HK2: variants seen among roughly 807,000 people sequenced by gnomAD.
HK2 encodes the protein hexokinase 2, also known as hexokinase-2.
HK2 carries 42 observed loss-of-function variants against 92.9 expected under a neutral mutation model. The ratio of observed to expected loss-of-function variants is 0.45; its 90% CI spans 0.35 to 0.58. The LOEUF (loss-of-function observed/expected upper bound fraction) is 0.58, where lower values mean the gene tolerates loss of function less well. Ranked by LOEUF, HK2 falls within the 20% of genes least tolerant of loss-of-function variation. The pLI, the probability that HK2 is intolerant of heterozygous loss-of-function variation, is 0.00. For missense variants in HK2, 978 were observed against 1,245.1 expected (o/e 0.79, Z 3.23); for synonymous variants, 422 against 468.0 (o/e 0.90, Z 1.27).
In HK2 at chr2:74,873,746, A is replaced by AAGAAGGAGGAGGAGG. The variant is rs1553448697; in HGVS notation, c.592-96_592-95insAAGGAGGAGGAGGAG. ...GGGGAGGGAGGGGGGAGAGAGAGAG[A>AAGAAGGAGGAGGAGG]AGGAGGAGGAGGAGGAGGAGGAGTG... On this transcript the variant is annotated intron_variant, in intron 5 of 17. Coordinates refer to ENST00000290573, the MANE Select transcript of HK2 (RefSeq NM_000189.5). 2,778 of 735,696 alleles carry AAGAAGGAGGAGGAGG rather than the reference A, an allele frequency of 3.8e-3. 50 individuals are homozygous for AAGAAGGAGGAGGAGG. The African/African-American group carries it at 0.04, about 11-fold the overall frequency. 45.6% of individuals were successfully genotyped at this position (735,696 alleles called of 1,614,324 possible).
At chr2:74,874,081 C>A in intron 6 of HK2, 138 bp downstream of exon 6, 1 of 964,500 alleles carries the variant, frequency 1.0e-6, no homozygotes, top group Non-Finnish European at 1.6e-6. Flanking sequence ...CTTTGGAGAG[C>A]CGAGCAGGGA....
intron 2 of HK2, among the ~76,000 whole-genome samples, chr2:74,862,298 T>A (rs1262743152): frequency 2.0e-5 from 3 of 152,222 alleles, no homozygotes; most frequent in Admixed American, 2.0e-4. Flanking sequence ...ACACCACCAG[T>A]GGCACATTGG....
At chr2:74,874,668 CA>C (rs1689184028) in intron 7 of HK2, among the ~76,000 whole-genome samples, 1 of 152,236 alleles carries the variant, frequency 6.6e-6, no homozygotes, top group South Asian at 2.1e-4. Flanking sequence ...GTGTTTCCTT[CA>C]CAGGAGTCAT....
intron 8 of HK2, among the ~76,000 whole-genome samples, chr2:74,878,068 A>C (rs576505037): frequency 6.6e-6 from 1 of 152,182 alleles, no homozygotes; most frequent in African/African-American, 2.4e-5. Context: ...AGGTGATGCA[A>C]GTACCCCAAG....
At chr2:74,887,009 C>G (rs1331014898) in intron 15 of HK2, among the ~76,000 whole-genome samples, 1 of 152,198 alleles carries the variant, frequency 6.6e-6, no homozygotes, top group East Asian at 1.9e-4. Context: ...CAAATCCTCT[C>G]CCTCCTCCAT....
At chr2:74,862,102 C>T (rs1264296829) in intron 2 of HK2, among the ~76,000 whole-genome samples, 4 of 152,284 alleles carry the variant, frequency 2.6e-5, no homozygotes, top group South Asian at 2.1e-4. Context: ...CTGTGCTGAA[C>T]GCTGTGTTTG....
rs1414953924 is a variant in HK2 at position 74,880,304 on chromosome 2, G to C, written c.1305G>C (p.Val435=). 2 of 1,614,166 alleles carry C rather than the reference G, an allele frequency of 1.2e-6. No homozygotes were observed. The highest frequency in any genetic ancestry group is 1.7e-4 in the Middle Eastern group (1 of 6,058). ...KRLHKTVRRL[V]PGCDVRFLRS... ...TACATAAGACCGTGCGGCGGCTGGT[G>C]CCCGGCTGCGATGTCCGCTTCCTCC... is the stretch of plus-strand genomic sequence containing the variant. Residue 435 remains valine, a synonymous_variant, in exon 10 of 18, where the codon GTG becomes GTC. Coordinates refer to ENST00000290573, the MANE Select transcript of HK2 (RefSeq NM_000189.5).
chr2:74,862,757 C>T (rs987013510), intron 2 of HK2, among the ~76,000 whole-genome samples: 9 of 152,278 alleles, frequency 5.9e-5, no homozygotes, highest in Admixed American at 1.3e-4. Context: ...CATTGTCAGG[C>T]GTTGTGCCAA....
In HK2 at chr2:74,886,377, A is replaced by C; in HGVS notation, c.2019A>C (p.Glu673Asp). ...MTCGFEDPHC[E>D]VGLIVGTGSN... ...GTGGCTTTGAAGACCCTCACTGTGA[A>C]GTTGGCCTCATTGTTGGTAAGGACC... The change falls in exon 14 of 18, where the codon GAA becomes GAC. Residue 673 changes from glutamate to aspartate, a missense_variant. By Grantham distance (45) the Glu-to-Asp change is conservative (BLOSUM62 2). Transcript: ENST00000290573. 6.2e-7 allele frequency: 1 copy of C among 1,614,132 alleles called. No homozygotes were observed. Among genetic ancestry groups the C allele is most frequent in the Non-Finnish European group, 8.5e-7 (1 of 1,180,010 alleles).
At chr2:74,867,399 TA>T (rs151230031) in intron 2 of HK2, among the ~76,000 whole-genome samples, 175 of 147,534 alleles carry the variant, frequency 1.2e-3, no homozygotes, top group African/African-American at 2.3e-3. Context: ...AGTGAGGGAT[TA>T]AAAAAAAAAC....
chr2:74,884,711 C>T (rs1279982892), intron 12 of HK2, among the ~76,000 whole-genome samples: 3 of 152,156 alleles, frequency 2.0e-5, no homozygotes, highest in African/African-American at 7.2e-5. Context: ...TTATGGAAGC[C>T]GAGCTCTTGG....
chr2:74,882,166 T>G lies in HK2; in HGVS notation c.1766T>G (p.Met589Arg), dbSNP rs1163455761. 2 of 1,614,176 alleles carry G rather than the reference T, an allele frequency of 1.2e-6. No individual in the cohort carries two copies. The highest frequency in any genetic ancestry group is 2.2e-5 in the South Asian group (2 of 91,090). Residue 589 changes from methionine (M) to arginine (R), a missense_variant, in exon 12 of 18, where the codon ATG becomes AGG. Around this residue, in one of 3 missense-constraint regions of HK2, gnomAD observed 742 missense variants for 922.5 expected, o/e 0.80. Transcript: ENST00000290573. ...VQCIADFLEY[M>R]GMKGVSLPLG... ...TGCATCGCGGACTTCCTCGAGTACATGGGCATGAAGGGCGTGTCCCTGCCT... is the reference window on the plus strand; with the variant it reads ...TGCATCGCGGACTTCCTCGAGTACAGGGGCATGAAGGGCGTGTCCCTGCCT...
In HK2 at chr2:74,834,578, A is replaced by C. The variant is rs1340218696; in HGVS notation, c.-3A>C. ...CAACTCTGCGCCGTCGGGCCGCGGC[A>C]GGATGATTGCCTCGCATCTGCTTGC... On this transcript the variant is annotated 5_prime_UTR_variant, in exon 1 of 18. Transcript: ENST00000290573. This position sits in a 1 kb window ranked among gnomAD's most constrained non-coding sequence, Gnocchi z 4.2. 6.2e-7 allele frequency: 1 copy of C among 1,613,716 alleles called. No homozygotes were observed. The highest frequency in any genetic ancestry group is 1.3e-5 in the African/African-American group (1 of 74,912).
At chr2:74,838,714 A>G (rs1161581070) in intron 1 of HK2, among the ~76,000 whole-genome samples, 1 of 150,702 alleles carries the variant, frequency 6.6e-6, no homozygotes, top group Non-Finnish European at 1.5e-5. Context: ...ATTTTTTTGT[A>G]TTTTTAGTAG....
intron 3 of HK2, among the ~76,000 whole-genome samples, chr2:74,871,670 G>A (rs1689102766): frequency 6.6e-6 from 1 of 152,216 alleles, no homozygotes; most frequent in African/African-American, 2.4e-5. Context: ...CTTACTGGAT[G>A]TTCTGTTTAG....
intron 1 of HK2, among the ~76,000 whole-genome samples, chr2:74,840,717 A>C (rs1299702295): frequency 6.8e-6 from 1 of 147,000 alleles, no homozygotes; most frequent in Admixed American, 6.7e-5. Flanking sequence ...AATACAAAAA[A>C]AAAAAAAAAA....
chr2:74,891,790 GAAT>G lies in HK2; in HGVS notation c.*850_*852del, dbSNP rs1374521801. 4.3e-5 allele frequency: 1 copy of G among 23,132 alleles called. No individual in the cohort carries two copies. The highest frequency in any genetic ancestry group is 1.0e-3 in the African/African-American group (1 of 980). 1.4% of individuals were successfully genotyped at this position (23,132 alleles called of 1,614,324 possible). ...CTGCTTCTTCATCTTGACATGTAAT[GAAT>G]GGTCAGTTGTACGTAATGTATTTAT... On this transcript the variant is annotated 3_prime_UTR_variant, in exon 18 of 18. Transcript: ENST00000290573.
At chr2:74,882,383 T>A (rs972923940) in intron 12 of HK2, 144 bp downstream of exon 12, 2 of 1,207,040 alleles carry the variant, frequency 1.7e-6, no homozygotes, top group Non-Finnish European at 2.4e-6. Flanking sequence ...GGCTCCTTGA[T>A]GGGAATGAGT....
At chr2:74,849,695 G>T (rs2103867188) in intron 1 of HK2, among the ~76,000 whole-genome samples, 1 of 152,334 alleles carries the variant, frequency 6.6e-6, no homozygotes, top group African/African-American at 2.4e-5. Context: ...GAAGAAAGAA[G>T]GGGTGGAAGG....
Sources: allele counts gnomAD v4.1 joint callset (sites outside exome capture counted in the v4.1 genomes callset), GRCh38; gene constraint gnomAD v4.1.1; regional missense constraint gnomAD v4.1.1; non-coding constraint Gnocchi (gnomAD v3.1); transcripts MANE v1.5; gene names NCBI Gene and HGNC (gene_info 2026-07-23, HGNC 2026-07-21).